Variants in CD38 observed in about 807,000 individuals in gnomAD.
CD38 encodes the protein ADP-ribosyl cyclase/cyclic ADP-ribose hydrolase 1.
In CD38, 31 loss-of-function variants were observed where a neutral mutation model predicts 36.3. That is an observed-to-expected ratio of 0.85 (90% CI 0.64 to 1.15). CD38 has a LOEUF of 1.15. Ranked by LOEUF, CD38 falls within the 50% of genes most tolerant of loss-of-function variation. The pLI, the probability that CD38 is intolerant of heterozygous loss-of-function variation, is 0.00. For synonymous variants in CD38, 131 were observed against 135.2 expected (o/e 0.97, Z 0.22); for missense variants, 380 against 371.9 (o/e 1.02, Z -0.18).
intron 3 of CD38, among the ~76,000 whole-genome samples, chr4:15,831,287 T>C (rs1337638504): frequency 6.6e-6 from 1 of 152,214 alleles, no homozygotes; most frequent in Non-Finnish European, 1.5e-5. Context: ...CATTTAGTTT[T>C]TCTACTTAAG....
intron 4 of CD38, among the ~76,000 whole-genome samples, chr4:15,837,202 A>C (rs1709465367): frequency 6.6e-6 from 1 of 152,228 alleles, no homozygotes; most frequent in African/African-American, 2.4e-5. Flanking sequence ...TGGCACTAGG[A>C]ATACAGAGGT....
chr4:15,790,765 A>G (rs1260251231), intron 1 of CD38, among the ~76,000 whole-genome samples: 1 of 145,914 alleles, frequency 6.9e-6, no homozygotes, highest in African/African-American at 2.6e-5. Flanking sequence ...CCATCTAGGA[A>G]GTGAGGAGCG....
intron 1 of CD38, among the ~76,000 whole-genome samples, chr4:15,795,640 A>C (rs73226564): frequency 0.064 from 9,708 of 152,198 alleles, 333 homozygotes; most frequent in Non-Finnish European, 0.065. Context: ...CAAAAGGAAG[A>C]TATATACCTG....
rs567696870 is a variant in CD38 at position 15,795,857 on chromosome 4, CATT to C, written c.233+17213_233+17215del. ...ATTAGCAAAGTTTGATTTGAAGAGA[CATT>C]ATAAATTTCCGACGGCATATTTTTC... On this transcript the variant is annotated intron_variant, in intron 1 of 7. Transcript: ENST00000226279. Among the ~76,000 whole-genome samples the C allele has an allele frequency of 2.0e-4, 30 of 152,196 alleles. 1 individual carries two copies. The South Asian group carries it at 4.8e-3, about 24-fold the overall frequency.
At chr4:15,796,639 C>A (rs936016172) in intron 1 of CD38, among the ~76,000 whole-genome samples, 1 of 151,922 alleles carries the variant, frequency 6.6e-6, no homozygotes, top group African/African-American at 2.4e-5. Context: ...CTCTTTCCGC[C>A]GATTTTCTTT....
chr4:15,824,528 C>T (rs1256057363), intron 2 of CD38, among the ~76,000 whole-genome samples: 1 of 151,906 alleles, frequency 6.6e-6, no homozygotes, highest in African/African-American at 2.4e-5. Flanking sequence ...AGCACGTAGA[C>T]AAAGTTTTTT....
chr4:15,823,830 C>T (rs1435171039), intron 2 of CD38, among the ~76,000 whole-genome samples: 1 of 151,984 alleles, frequency 6.6e-6, no homozygotes, highest in Non-Finnish European at 1.5e-5. Flanking sequence ...AGAAATCATT[C>T]TATTATAAAG....
intron 1 of CD38, among the ~76,000 whole-genome samples, chr4:15,792,374 T>G (rs1723018344): frequency 8.2e-6 from 1 of 121,916 alleles, no homozygotes; most frequent in South Asian, 2.7e-4. Flanking sequence ...TATTGTCCTA[T>G]GACCCTGCCA....
chr4:15,835,115 C>T (rs1724038691), intron 4 of CD38, among the ~76,000 whole-genome samples: 1 of 152,024 alleles, frequency 6.6e-6, no homozygotes. Flanking sequence ...TTATTGAACA[C>T]CAGAATTTAT....
chr4:15,794,685 C>G (rs1723072668), intron 1 of CD38, among the ~76,000 whole-genome samples: 1 of 152,110 alleles, frequency 6.6e-6, no homozygotes, highest in South Asian at 2.1e-4. Flanking sequence ...ACAGACAACT[C>G]TTGCAAGAGG....
At chr4:15,800,559 C>T (rs1246788411) in intron 1 of CD38, among the ~76,000 whole-genome samples, 2 of 152,128 alleles carry the variant, frequency 1.3e-5, no homozygotes, top group Non-Finnish European at 2.9e-5. Flanking sequence ...ACTAATGATG[C>T]TGAGGATCAT....
intron 1 of CD38, among the ~76,000 whole-genome samples, chr4:15,784,391 A>G (rs1722766951): frequency 6.6e-6 from 1 of 152,140 alleles, no homozygotes. Flanking sequence ...CTGCTGAGAA[A>G]ATCCTGGCGG....
intron 1 of CD38, among the ~76,000 whole-genome samples, chr4:15,808,733 T>C (rs1341834563): frequency 6.6e-6 from 1 of 152,240 alleles, no homozygotes; most frequent in Non-Finnish European, 1.5e-5. Context: ...AATGATGTTA[T>C]GAATTACTTT....
At chr4:15,786,554 G>T (rs546952082) in intron 1 of CD38, among the ~76,000 whole-genome samples, 1 of 152,286 alleles carries the variant, frequency 6.6e-6, no homozygotes, top group African/African-American at 2.4e-5. Context: ...GGTGCTGATT[G>T]GTCCGTTTAC....
At chr4:15,831,421 T>C (rs555214419) in intron 3 of CD38, among the ~76,000 whole-genome samples, 88 of 152,314 alleles carry the variant, frequency 5.8e-4, no homozygotes, top group African/African-American at 2.0e-3. Context: ...TCCTTTTCTT[T>C]CTAATTGAAG....
intron 3 of CD38, among the ~76,000 whole-genome samples, chr4:15,832,507 T>C (rs1014330680): frequency 5.3e-5 from 8 of 152,194 alleles, no homozygotes; most frequent in Non-Finnish European, 7.4e-5. Flanking sequence ...TACACACTCA[T>C]GGAGGTACCA....
intron 3 of CD38, among the ~76,000 whole-genome samples, chr4:15,828,110 G>T (rs1214511126): frequency 6.6e-6 from 1 of 152,124 alleles, no homozygotes; most frequent in Non-Finnish European, 1.5e-5. Context: ...GACCTACCAG[G>T]CTCAGGTGGT....
chr4:15,835,363 CTTTTTTTTTTTT>C (rs35143834), intron 4 of CD38, among the ~76,000 whole-genome samples: 17 of 57,704 alleles, frequency 2.9e-4, no homozygotes, highest in East Asian at 2.8e-3. Context: ...GACAGGAATA[CTTTTTTTTTTTT>C]TTTTTTTTTT....
chr4:15,788,211 G>A (rs1722883672), intron 1 of CD38, among the ~76,000 whole-genome samples: 1 of 152,152 alleles, frequency 6.6e-6, no homozygotes, highest in Admixed American at 6.5e-5. Flanking sequence ...TGCCCATGAT[G>A]GGCATTGCTG....
Sources: gnomAD v4.1 joint callset for allele counts (sites outside exome capture counted in the v4.1 genomes callset) on GRCh38, gnomAD v4.1.1 for gene constraint, MANE v1.5 for transcripts, NCBI Gene and HGNC (gene_info 2026-07-23, HGNC 2026-07-21) for gene names.